CELF2: variants seen among roughly 807,000 people sequenced by gnomAD.
CELF2 encodes the protein CUGBP Elav-like family member 2.
A neutral mutation model predicts 62.6 loss-of-function variants in CELF2; 8 were observed. That is an observed-to-expected ratio of 0.13 (90% confidence interval 0.07 to 0.23). The LOEUF (loss-of-function observed/expected upper bound fraction) is 0.23. Ranked by LOEUF, CELF2 falls within the 10% of genes least tolerant of loss-of-function variation. The probability of loss-of-function intolerance (pLI) is 1.00; values close to 1 mark genes in which losing one functional copy is unlikely to be tolerated. For missense variants in CELF2, 333 were observed against 671.0 expected (o/e 0.50, Z 5.56); for synonymous variants, 258 against 250.0 (o/e 1.03, Z -0.30).
At chr10:10,540,116 C>A in the CELF2 span, among the ~76,000 whole-genome samples, 8 of 152,178 alleles carry the variant, frequency 5.3e-5, no homozygotes, top group Admixed American at 4.6e-4. Flanking sequence ...TTGGAAGAAG[C>A]TTGTACCTTC....
At position 11,316,952 on chromosome 10, in the gene CELF2, A is replaced by G. The variant is rs2095048553; in HGVS notation, c.1096+2694A>G. On this transcript the variant is annotated intron_variant, in intron 10 of 12. Transcript: ENST00000633077. The surrounding 1 kb of genome is among the most constrained non-coding windows in gnomAD (Gnocchi z 4.4). The stretch of plus-strand genomic sequence containing the variant: ...TCAGAAGAAGGAACACATGTGATTG[A>G]CCATCAGAGTGTTCACCTCTGGATT... 6.6e-6 allele frequency: 1 copy of G among 152,204 alleles called. No homozygotes were observed. The allele number at this position is 152,204 out of a possible 1,614,324, so 9.4% of individuals were successfully genotyped here.
At chr10:10,915,732 G>A (rs568991467) in intron 1 of CELF2, among the ~76,000 whole-genome samples, 154 of 152,324 alleles carry the variant, frequency 1.0e-3, no homozygotes, top group African/African-American at 3.6e-3. Flanking sequence ...ACGGCACCCG[G>A]CCCTTAGGGG....
intron 1 of CELF2, among the ~76,000 whole-genome samples, chr10:11,035,049 A>G (rs1454442010): frequency 6.6e-6 from 1 of 152,152 alleles, no homozygotes; most frequent in Non-Finnish European, 1.5e-5. Flanking sequence ...AAAGTGTCCA[A>G]GTTTGGATAA....
At chr10:11,153,258 A>T (rs2063678380) in intron 1 of CELF2, among the ~76,000 whole-genome samples, 1 of 151,988 alleles carries the variant, frequency 6.6e-6, no homozygotes, top group African/African-American at 2.4e-5. Flanking sequence ...TCTTCCAGGT[A>T]TTTTTTGACA....
intron 1 of CELF2, among the ~76,000 whole-genome samples, chr10:10,890,892 A>G (rs569315376): frequency 6.6e-6 from 1 of 152,244 alleles, no homozygotes; most frequent in East Asian, 1.9e-4. Flanking sequence ...GCAGGTGCCT[A>G]TAATTCCAGC....
At position 11,335,871 on chromosome 10, in the gene CELF2, TTTGTTGCTTTTC is replaced by T. The variant is rs1484913683; in HGVS notation, c.*6820_*6831del. 1 of 152,248 alleles carries T rather than the reference TTTGTTGCTTTTC, an allele frequency of 6.6e-6. No homozygotes were observed. Among genetic ancestry groups the T allele is most frequent in the African/African-American group, 2.4e-5 (1 of 41,452 alleles). 9.4% of individuals were successfully genotyped at this position (152,248 alleles called of 1,614,324 possible). On this transcript the variant is annotated 3_prime_UTR_variant, in exon 13 of 13. Transcript: ENST00000633077. The surrounding 1 kb of genome is among the most constrained non-coding windows in gnomAD (Gnocchi z 5.0). ...AAGGAAGAGAAAGACAAAGCCAGTTTTTGTTGCTTTTCTAAAGCAACAAATAATTCTCCAAAG... is the reference window on the plus strand; with the variant it reads ...AAGGAAGAGAAAGACAAAGCCAGTTTTAAAGCAACAAATAATTCTCCAAAG...
intron 2 of CELF2, among the ~76,000 whole-genome samples, chr10:10,926,331 G>A (rs1027110617): frequency 4.6e-5 from 7 of 152,116 alleles, no homozygotes; most frequent in East Asian, 1.9e-4. Flanking sequence ...TCCTTTTCTC[G>A]CTCTTCTGCC....
chr10:11,086,216 G>C (rs1398235518), intron 1 of CELF2, among the ~76,000 whole-genome samples: 1 of 152,082 alleles, frequency 6.6e-6, no homozygotes, highest in Non-Finnish European at 1.5e-5. Flanking sequence ...TAGCTATAGG[G>C]CAGCTCCACT....
intron 1 of CELF2, among the ~76,000 whole-genome samples, chr10:11,132,169 C>T (rs913337730): frequency 3.3e-5 from 5 of 152,150 alleles, no homozygotes; most frequent in Non-Finnish European, 7.4e-5. Flanking sequence ...ATTTTGCTGC[C>T]AATTAAACAT....
the CELF2 span, among the ~76,000 whole-genome samples, chr10:10,488,837 G>T: frequency 4.3e-4 from 66 of 152,020 alleles, no homozygotes; most frequent in African/African-American, 1.6e-3. Flanking sequence ...TTCCTTCAAG[G>T]TTTGAAAAAC....
the CELF2 span, among the ~76,000 whole-genome samples, chr10:10,741,382 G>T: frequency 6.6e-6 from 1 of 150,762 alleles, no homozygotes; most frequent in African/African-American, 2.4e-5. Flanking sequence ...GTGGTGGTGG[G>T]CACCTGTAGT....
chr10:10,766,255 G>C, the CELF2 span, among the ~76,000 whole-genome samples: 1 of 152,320 alleles, frequency 6.6e-6, no homozygotes, highest in African/African-American at 2.4e-5. Context: ...ACCCTGAGCT[G>C]TGCCTTAGCT....
intron 1 of CELF2, among the ~76,000 whole-genome samples, chr10:10,869,334 C>T (rs566389635): frequency 1.7e-3 from 257 of 152,204 alleles, no homozygotes; most frequent in African/African-American, 5.7e-3. Flanking sequence ...GAGGCCAAGG[C>T]GGGCAGATCA....
At chr10:10,967,805 C>T (rs186817496) in intron 2 of CELF2, among the ~76,000 whole-genome samples, 165 of 152,244 alleles carry the variant, frequency 1.1e-3, no homozygotes, top group African/African-American at 3.0e-3. Context: ...GACTGGAGTT[C>T]GGCCAAGGGT....
chr10:11,235,697 G>A (rs906126695), intron 3 of CELF2, among the ~76,000 whole-genome samples: 1 of 152,102 alleles, frequency 6.6e-6, no homozygotes, highest in Non-Finnish European at 1.5e-5. Flanking sequence ...AACAATATCT[G>A]ATGTCTTGCT....
At chr10:11,194,636 C>T (rs7897884) in intron 2 of CELF2, among the ~76,000 whole-genome samples, 3,561 of 152,246 alleles carry the variant, frequency 0.023, 62 homozygotes, top group Admixed American at 0.053. Flanking sequence ...TGCTAGCCCT[C>T]CCCATTTTGG....
intron 1 of CELF2, among the ~76,000 whole-genome samples, chr10:11,051,974 C>T (rs754134195): frequency 6.7e-6 from 1 of 149,656 alleles, no homozygotes; most frequent in Non-Finnish European, 1.5e-5. Flanking sequence ...TGTTGGCTCA[C>T]TGCAACCTCC....
At chr10:11,149,924 T>C (rs1238636882) in intron 1 of CELF2, among the ~76,000 whole-genome samples, 1 of 152,250 alleles carries the variant, frequency 6.6e-6, no homozygotes, top group East Asian at 1.9e-4. Context: ...CTGTTAAATA[T>C]ATCCGTGATT....
chr10:10,532,122 G>A, the CELF2 span, among the ~76,000 whole-genome samples: 2 of 152,244 alleles, frequency 1.3e-5, no homozygotes, highest in South Asian at 4.1e-4. Context: ...TCAAAAGACA[G>A]GCAACATCTT....
Sources: gnomAD v4.1 joint callset for allele counts (sites outside exome capture counted in the v4.1 genomes callset) on GRCh38, gnomAD v4.1.1 for gene constraint, Gnocchi (gnomAD v3.1) non-coding constraint, MANE v1.5 for transcripts, NCBI Gene and HGNC (gene_info 2026-07-23, HGNC 2026-07-21) for gene names.